Variants in DNAL1 observed in about 807,000 individuals in gnomAD.
DNAL1 encodes the protein chromosome 14 open reading frame 168.
A neutral mutation model predicts 29.4 loss-of-function variants in DNAL1; 17 were observed. The observed-to-expected ratio is 0.58, with a 90% confidence interval of 0.40 to 0.87. DNAL1 has a LOEUF of 0.87. Ranked by LOEUF, DNAL1 falls within the 40% of genes least tolerant of loss-of-function variation. DNAL1 has a pLI of 0.00. For synonymous variants in DNAL1, 78 were observed against 76.3 expected (o/e 1.02, Z -0.12); for missense variants, 188 against 214.1 (o/e 0.88, Z 0.76).
chr14:73,654,765 A>C (rs920729011), intron 1 of DNAL1, 82 bp from the exon 2 acceptor site: 53 of 1,287,546 alleles, frequency 4.1e-5, no homozygotes, highest in East Asian at 1.9e-4. Context: ...TCTCAAAATA[A>C]ATACATACAT....
chr14:73,697,523 A>G lies in DNAL1; in HGVS notation c.*1581A>G, dbSNP rs1032107749. 1 of 152,198 alleles carries G rather than the reference A, an allele frequency of 6.6e-6. No individual in the cohort carries two copies. Among genetic ancestry groups the G allele is most frequent in the Non-Finnish European group, 1.5e-5 (1 of 68,092 alleles). The allele number at this position is 152,198 out of a possible 1,614,324, so 9.4% of individuals were successfully genotyped here. A position where few individuals can be genotyped will look rare whatever the true frequency, so the allele number is the denominator to read the frequency against. The stretch of plus-strand genomic sequence containing the variant: ...TTTGGGAGGCCGAGGCGGGCGGATC[A>G]TCTGAGATCAGGAGTTCAAGACCAG... On this transcript the variant is annotated 3_prime_UTR_variant, in exon 8 of 8. Coordinates refer to ENST00000553645, the MANE Select transcript of DNAL1 (RefSeq NM_031427.4).
intron 7 of DNAL1, among the ~76,000 whole-genome samples, chr14:73,693,494 AAATG>A (rs1892224450): frequency 6.6e-6 from 1 of 152,266 alleles, no homozygotes; most frequent in Non-Finnish European, 1.5e-5. Context: ...ACAGCAGTAA[AAATG>A]AATGAATTAA....
At chr14:73,648,590 G>A (rs1329663076) in intron 1 of DNAL1, among the ~76,000 whole-genome samples, 1 of 149,034 alleles carries the variant, frequency 6.7e-6, no homozygotes, top group Admixed American at 6.7e-5. Context: ...ATTTTTTTGT[G>A]TTTTTAGTAG....
chr14:73,692,119 T>C (rs1892190579), intron 7 of DNAL1, among the ~76,000 whole-genome samples: 1 of 151,028 alleles, frequency 6.6e-6, no homozygotes, highest in African/African-American at 2.4e-5. Flanking sequence ...TGCCTCAGCC[T>C]CCTGATTTCA....
At chr14:73,675,607 T>C (rs985076316) in intron 5 of DNAL1, among the ~76,000 whole-genome samples, 3 of 152,132 alleles carry the variant, frequency 2.0e-5, no homozygotes, top group African/African-American at 4.8e-5. Context: ...TGTGAGGGCC[T>C]GGCCATTTCA....
At chr14:73,668,081 C>T (rs2140039192) in intron 4 of DNAL1, among the ~76,000 whole-genome samples, 1 of 152,312 alleles carries the variant, frequency 6.6e-6, no homozygotes, top group South Asian at 2.1e-4. Flanking sequence ...CAGATATGTG[C>T]ATGGTGAACT....
At position 73,701,145 on chromosome 14, in the gene DNAL1, A is replaced by C. The variant is rs1021520226; in HGVS notation, c.*5203A>C. ...AGAAGTCATTAACTGGATTCTAGTT[A>C]ATTTCCCATATTGGGCAGTTTAGAG... On this transcript the variant is annotated 3_prime_UTR_variant, in exon 8 of 8. Transcript: ENST00000553645. The C allele has an allele frequency of 2.6e-5, 4 of 152,252 alleles. No individual in the cohort carries two copies. Among genetic ancestry groups the C allele is most frequent in the Non-Finnish European group, 5.9e-5 (4 of 68,040 alleles). 9.4% of individuals were successfully genotyped at this position (152,252 alleles called of 1,614,324 possible).
rs200537222 is a variant in DNAL1 at position 73,685,460 on chromosome 14, A to ATTTTTTTT, written c.265-1789_265-1782dup. Among the ~76,000 whole-genome samples, 13 of 139,598 alleles carry ATTTTTTTT rather than the reference A, an allele frequency of 9.3e-5. No homozygotes were observed. In the East Asian group the frequency reaches 1.1e-3, roughly 11 times the overall value. The allele number at this position is 139,598 out of a possible 152,430, so 91.6% of individuals were successfully genotyped here. On this transcript the variant is annotated intron_variant, in intron 5 of 7. Transcript: ENST00000553645. ...TGTGTCAGAATTTCCTTTCTGCTTAATTTTTTTTTTTTTTTTTGAGACTGA... is the reference window on the plus strand; with the variant it reads ...TGTGTCAGAATTTCCTTTCTGCTTAATTTTTTTTTTTTTTTTTTTTTTTTTGAGACTGA...
At chr14:73,694,035 A>G (rs1344616208) in intron 7 of DNAL1, among the ~76,000 whole-genome samples, 1 of 152,014 alleles carries the variant, frequency 6.6e-6, no homozygotes, top group African/African-American at 2.4e-5. Flanking sequence ...GGCATCACTG[A>G]GGAAGAGAGG....
chr14:73,680,661 T>A (rs924289434), intron 5 of DNAL1, among the ~76,000 whole-genome samples: 1 of 149,776 alleles, frequency 6.7e-6, no homozygotes. Flanking sequence ...ACATTAAAAA[T>A]CTTCTCTTCT....
chr14:73,671,806 A>G lies in DNAL1; in HGVS notation c.264+209A>G, dbSNP rs565512837. The stretch of plus-strand genomic sequence containing the variant: ...CGTGTGAGGTTTCCCAATTTCCCAT[A>G]CCAGCCTTGGGCATTTAAAATTTTT... On this transcript the variant is annotated intron_variant, in intron 5 of 7. Coordinates refer to ENST00000553645, the MANE Select transcript of DNAL1 (RefSeq NM_031427.4). Among the ~76,000 whole-genome samples, 5 of 152,198 alleles carry G rather than the reference A, an allele frequency of 3.3e-5. No individual in the cohort carries two copies. The South Asian group carries it at 1.0e-3, about 32-fold the overall frequency.
chr14:73,661,314 A>AT (rs1891351565), intron 3 of DNAL1, among the ~76,000 whole-genome samples: 3 of 152,010 alleles, frequency 2.0e-5, no homozygotes, highest in Admixed American at 6.6e-5. Context: ...GTGTTTATAG[A>AT]TTTTTTCAAT....
rs978467812 is a variant in DNAL1, at chr14:73,702,365, C to G, written c.*6423C>G. 5.9e-5 allele frequency: 9 copies of G among 152,144 alleles called. No homozygotes were observed. Among genetic ancestry groups the G allele is most frequent in the Non-Finnish European group, 1.2e-4 (8 of 68,044 alleles). The allele number at this position is 152,144 out of a possible 1,614,324, so 9.4% of individuals were successfully genotyped here. ...ATGCTGGCCAGGTTGGTCTCGAACTCTTGACCTCGTGATCTGCCCGCCACA... is the reference window on the plus strand; with the variant it reads ...ATGCTGGCCAGGTTGGTCTCGAACTGTTGACCTCGTGATCTGCCCGCCACA... On this transcript the variant is annotated 3_prime_UTR_variant, in exon 8 of 8. Coordinates refer to ENST00000553645, the MANE Select transcript of DNAL1 (RefSeq NM_031427.4).
chr14:73,703,203 C>T lies in DNAL1; in HGVS notation c.*7261C>T, dbSNP rs1430674630. The T allele has an allele frequency of 6.6e-6, 1 of 152,032 alleles. No individual in the cohort carries two copies. Among genetic ancestry groups the T allele is most frequent in the Non-Finnish European group, 1.5e-5 (1 of 67,988 alleles). The allele number at this position is 152,032 out of a possible 1,614,324, so 9.4% of individuals were successfully genotyped here. A position where few individuals can be genotyped will look rare whatever the true frequency, so the allele number is the denominator to read the frequency against. On this transcript the variant is annotated 3_prime_UTR_variant, in exon 8 of 8. Transcript: ENST00000553645. The stretch of plus-strand genomic sequence containing the variant: ...ATTGTTATTTTTAGTTCATTGTTTC[C>T]TAGAACAAAGGATGGACATTTAGGA...
At position 73,698,356 on chromosome 14, in the gene DNAL1, C is replaced by T. The variant is rs908075309; in HGVS notation, c.*2414C>T. The T allele has an allele frequency of 2.6e-5, 4 of 152,212 alleles. No individual in the cohort carries two copies. Among genetic ancestry groups the T allele is most frequent in the Non-Finnish European group, 1.5e-5 (1 of 68,042 alleles). The allele number at this position is 152,212 out of a possible 1,614,324, so 9.4% of individuals were successfully genotyped here. On this transcript the variant is annotated 3_prime_UTR_variant, in exon 8 of 8. Coordinates refer to ENST00000553645, the MANE Select transcript of DNAL1 (RefSeq NM_031427.4). ...AGAAATGTAGGATATTCTCTCAAAT[C>T]ATTCCCTAAATTATCCTTTACTGCT...
chr14:73,661,912 C>A, intron 3 of DNAL1, 75 bp from the exon 4 acceptor site: 1 of 861,968 alleles, frequency 1.2e-6, no homozygotes, highest in Non-Finnish European at 1.8e-6. Flanking sequence ...CTTTTATGGG[C>A]ACTAGTGTTA....
intron 6 of DNAL1, among the ~76,000 whole-genome samples, chr14:73,688,420 G>T (rs537630283): frequency 6.6e-6 from 1 of 152,204 alleles, no homozygotes; most frequent in Non-Finnish European, 1.5e-5. Flanking sequence ...GACTAGCCTG[G>T]CCAACATAGC....
chr14:73,687,828 G>A lies in DNAL1; in HGVS notation c.391+443G>A, dbSNP rs560162015. ...GCGGAGCTTGCAGTGAGCCGAGATC[G>A]CGCCGCTGCACTCCAGCCAGGGCAG... On this transcript the variant is annotated intron_variant, in intron 6 of 7. Transcript: ENST00000553645. 4.6e-5 allele frequency among the ~76,000 whole-genome samples: 7 copies of A among 152,218 alleles called. No homozygotes were observed. In the South Asian group the frequency reaches 1.2e-3, roughly 27 times the overall value.
At chr14:73,674,150 C>T (rs1405024463) in intron 5 of DNAL1, among the ~76,000 whole-genome samples, 1 of 151,964 alleles carries the variant, frequency 6.6e-6, no homozygotes, top group African/African-American at 2.4e-5. Flanking sequence ...TGGCCTTTGC[C>T]TTCCTTTCTG....
Sources: gnomAD v4.1 joint callset for allele counts (sites outside exome capture counted in the v4.1 genomes callset) on GRCh38, gnomAD v4.1.1 for gene constraint, MANE v1.5 for transcripts, NCBI Gene and HGNC (gene_info 2026-07-23, HGNC 2026-07-21) for gene names.